Variants in TXLNG observed in about 807,000 individuals in gnomAD.
TXLNG encodes taxilin gamma.
A neutral mutation model predicts 38.8 loss-of-function variants in TXLNG; 5 were observed. That is an observed-to-expected ratio of 0.13 (90% confidence interval 0.07 to 0.27). The LOEUF (loss-of-function observed/expected upper bound fraction) is 0.27. TXLNG is among the 10% of genes least tolerant of loss of function. The pLI is 1.00. For missense variants in TXLNG, 393 were observed against 398.2 expected (o/e 0.99, Z 0.11); for synonymous variants, 182 against 158.2 (o/e 1.15, Z -1.13).
chrX:16,842,833 CAG>C lies in TXLNG; in HGVS notation c.*1070_*1071del, dbSNP rs757237831. The C allele has an allele frequency of 8.9e-6, 1 of 111,958 alleles. No individual in the cohort carries two copies. Among genetic ancestry groups the C allele is most frequent in the Non-Finnish European group, 1.9e-5 (1 of 53,193 alleles). The allele number at this position is 111,958 out of a possible 1,213,427, so 9.2% of individuals were successfully genotyped here. ...ACATTTTTACTTTGGGAAGACTTGG[CAG>C]AGTGTTAGTCATGATCTGTTACTTA... On this transcript the variant is annotated 3_prime_UTR_variant, in exon 10 of 10. Coordinates refer to ENST00000380122, the MANE Select transcript of TXLNG (RefSeq NM_018360.3).
rs1929941985 is a variant in TXLNG, at chrX:16,843,427, T to TTATC, written c.*1664_*1667dup. On this transcript the variant is annotated 3_prime_UTR_variant, in exon 10 of 10. Transcript: ENST00000380122. ...GAGGAAAATAAATCCACAAAGTAGA[T>TTATC]TATCTAATTACCATCAAAATGAGTC... is the stretch of plus-strand genomic sequence containing the variant. 9.0e-6 allele frequency: 1 copy of TTATC among 111,527 alleles called. No individual in the cohort carries two copies. The highest frequency in any genetic ancestry group is 3.7e-4 in the South Asian group (1 of 2,672). The allele number at this position is 111,527 out of a possible 1,213,427, so 9.2% of individuals were successfully genotyped here.
At chrX:16,821,181 C>A (rs771089893) in intron 3 of TXLNG, among the ~76,000 whole-genome samples, 141 of 98,079 alleles carry the variant, frequency 1.4e-3, no homozygotes, top group African/African-American at 5.1e-3. Context: ...CGCTCCGTCA[C>A]CCAGGCTGGA....
chrX:16,795,499 C>T (rs1927852050), intron 1 of TXLNG, among the ~76,000 whole-genome samples: 1 of 111,965 alleles, frequency 8.9e-6, no homozygotes, highest in Admixed American at 9.5e-5. Flanking sequence ...TCCTTTTACT[C>T]ATTCTTGGTT....
chrX:16,789,530 G>T (rs2147455882), intron 1 of TXLNG, among the ~76,000 whole-genome samples: 1 of 106,542 alleles, frequency 9.4e-6, no homozygotes, highest in Non-Finnish European at 1.9e-5. Context: ...TATTAGAGCA[G>T]ATCTAGAATA....
In TXLNG at chrX:16,829,608, A is replaced by G. The variant is rs1464408422; in HGVS notation, c.702A>G (p.Glu234=). The G allele has an allele frequency of 1.7e-6, 2 of 1,211,720 alleles. No individual in the cohort carries two copies. The highest frequency in any genetic ancestry group is 4.4e-5 in the Admixed American group (2 of 45,958). Residue 234 remains glutamate, a synonymous_variant, in exon 5 of 10, where the codon GAA becomes GAG. Transcript: ENST00000380122. ...EENMQQAREE[E]ERRKEATAHF... is the part of the protein sequence containing the mutation. ...ATATGCAGCAGGCACGAGAGGAAGA[A>G]GAACGACGTAAAGAAGCAACTGCAC...
At chrX:16,789,060 T>C (rs1927610749) in intron 1 of TXLNG, among the ~76,000 whole-genome samples, 2 of 112,489 alleles carry the variant, frequency 1.8e-5, no homozygotes, top group Non-Finnish European at 3.7e-5. Flanking sequence ...AAATATTTCT[T>C]AATTCCAGCT....
Position 16,844,142 on chromosome X carries a change from G to A in TXLNG, c.*2376G>A, listed in dbSNP as rs747794516. 5 of 111,806 alleles carry A rather than the reference G, an allele frequency of 4.5e-5. No individual in the cohort carries two copies. The highest frequency in any genetic ancestry group is 2.8e-4 in the Admixed American group (3 of 10,546). 9.2% of individuals were successfully genotyped at this position (111,806 alleles called of 1,213,427 possible). A position where few individuals can be genotyped will look rare whatever the true frequency, so the allele number is the denominator to read the frequency against. On this transcript the variant is annotated 3_prime_UTR_variant, in exon 10 of 10. Transcript: ENST00000380122. Reference sequence around the variant, plus strand: ...GGTGTAGAGAAAACTTGGGTCTTGGGTAATATGGACCATTTCATCCTCAGA... The same window carrying A: ...GGTGTAGAGAAAACTTGGGTCTTGGATAATATGGACCATTTCATCCTCAGA...
chrX:16,838,626 C>T (rs1220281594), intron 8 of TXLNG, among the ~76,000 whole-genome samples: 1 of 112,300 alleles, frequency 8.9e-6, no homozygotes, highest in African/African-American at 3.2e-5. Context: ...CAAATTACCA[C>T]CTCCAGGTAT....
At chrX:16,800,537 C>T (rs371601007) in intron 1 of TXLNG, among the ~76,000 whole-genome samples, 9 of 105,502 alleles carry the variant, frequency 8.5e-5, no homozygotes, top group African/African-American at 1.4e-4. Flanking sequence ...CGTAAGCCAC[C>T]GAGCCAGGCC....
intron 1 of TXLNG, among the ~76,000 whole-genome samples, chrX:16,787,470 G>A (rs762944140): frequency 9.0e-6 from 1 of 111,176 alleles, no homozygotes; most frequent in African/African-American, 3.3e-5. Context: ...TTCTTAATCT[G>A]GGAAACAGGC....
At chrX:16,817,383 A>C (rs1266515873) in intron 1 of TXLNG, among the ~76,000 whole-genome samples, 1 of 112,393 alleles carries the variant, frequency 8.9e-6, no homozygotes, top group Non-Finnish European at 1.9e-5. Flanking sequence ...TATCAACATT[A>C]GACTATAAAA....
chrX:16,827,356 G>A (rs1929207419), intron 3 of TXLNG, among the ~76,000 whole-genome samples: 1 of 111,655 alleles, frequency 9.0e-6, no homozygotes, highest in African/African-American at 3.3e-5. Flanking sequence ...GGACATGCCT[G>A]GCTTTAGCAC....
chrX:16,813,809 G>A (rs1019287394), intron 1 of TXLNG, among the ~76,000 whole-genome samples: 3 of 110,614 alleles, frequency 2.7e-5, no homozygotes, highest in Non-Finnish European at 5.7e-5. Flanking sequence ...ATAATTGGCC[G>A]GGCGCCGTGG....
intron 3 of TXLNG, among the ~76,000 whole-genome samples, chrX:16,824,344 C>CA (rs778537903): frequency 1.0e-3 from 96 of 91,667 alleles, no homozygotes; most frequent in African/African-American, 1.2e-3. Context: ...ATGCTATCTC[C>CA]AAAAAAAAAA....
chrX:16,828,211 A>G lies in TXLNG; in HGVS notation c.616A>G (p.Ser206Gly). 8.3e-7 allele frequency: 1 copy of G among 1,211,048 alleles called. No homozygotes were observed. The highest frequency in any genetic ancestry group is 1.1e-6 in the Non-Finnish European group (1 of 894,980). Reference sequence around the variant, plus strand: ...ACATAGCAAGGCTATCTTGGCAAGAAGCAAGCTAGAATCTCTTTGCAGAGA... The same window carrying G: ...ACATAGCAAGGCTATCTTGGCAAGAGGCAAGCTAGAATCTCTTTGCAGAGA... ...SEHSKAILAR[S>G]KLESLCRELQ... Residue 206 changes from serine to glycine, a missense_variant, in exon 4 of 10, where the codon AGC becomes GGC. Physicochemically the swap from Ser to Gly is moderately conservative, Grantham distance 56 (BLOSUM62 0). Coordinates refer to ENST00000380122, the MANE Select transcript of TXLNG (RefSeq NM_018360.3).
chrX:16,830,881 G>A (rs958492534), intron 5 of TXLNG, among the ~76,000 whole-genome samples: 42 of 91,263 alleles, frequency 4.6e-4, no homozygotes, highest in Non-Finnish European at 8.9e-4. Context: ...GTGTGTGTGT[G>A]TGTGTATAGA....
chrX:16,834,260 G>T (rs755495509), intron 6 of TXLNG, 23 bp from the exon 7 acceptor site: 74 of 1,174,375 alleles, frequency 6.3e-5, no homozygotes, highest in South Asian at 1.8e-5. Flanking sequence ...TTAGCATTTT[G>T]CCAGAATGTT....
intron 3 of TXLNG, among the ~76,000 whole-genome samples, chrX:16,821,048 C>T (rs1349835725): frequency 2.7e-5 from 3 of 109,977 alleles, no homozygotes; most frequent in Non-Finnish European, 5.7e-5. Flanking sequence ...GGATTACAGG[C>T]ATGAGTCACC....
chrX:16,812,040 G>A (rs1281091668), intron 1 of TXLNG, among the ~76,000 whole-genome samples: 1 of 98,803 alleles, frequency 1.0e-5, no homozygotes, highest in African/African-American at 3.8e-5. Context: ...GTCTTGCTCT[G>A]TTGCCCAGGC....
Sources: allele counts gnomAD v4.1 joint callset (sites outside exome capture counted in the v4.1 genomes callset), GRCh38; gene constraint gnomAD v4.1.1; transcripts MANE v1.5; gene names NCBI Gene and HGNC (gene_info 2026-07-23, HGNC 2026-07-21).